Variants in PLEK observed in about 807,000 individuals in gnomAD.
PLEK encodes platelet 47 kDa protein.
PLEK carries 25 observed loss-of-function variants against 43.9 expected under a neutral mutation model. The observed-to-expected ratio is 0.57, with a 90% CI of 0.41 to 0.79. The LOEUF is 0.79. PLEK is among the 30% of genes least tolerant of loss of function. PLEK has a pLI of 0.00. For missense variants in PLEK, 396 were observed against 413.3 expected (o/e 0.96, Z 0.36); for synonymous variants, 152 against 144.4 (o/e 1.05, Z -0.38).
Position 68,368,699 on chromosome 2 carries a change from A to T in PLEK, c.42+3306A>T, listed in dbSNP as rs575388543. Among the ~76,000 whole-genome samples, 38 of 152,376 alleles carry T rather than the reference A, an allele frequency of 2.5e-4. 1 individual carries two copies. The South Asian group carries it at 7.9e-3, about 32-fold the overall frequency. On this transcript the variant is annotated intron_variant, in intron 1 of 8. Coordinates refer to ENST00000234313, the MANE Select transcript of PLEK (RefSeq NM_002664.3). ...CTGAATTAGATATGTTCATCATCAT[A>T]ACTGGAAAAAATGAGAGAAGAGCAA... is the stretch of plus-strand genomic sequence containing the variant.
intron 6 of PLEK, among the ~76,000 whole-genome samples, chr2:68,389,104 G>A (rs1474106721): frequency 6.6e-6 from 1 of 152,246 alleles, no homozygotes; most frequent in East Asian, 1.9e-4. Context: ...GCAAGGGCTG[G>A]AGAGTGCTGA....
chr2:68,388,024 C>A, intron 5 of PLEK: 1 of 191,034 alleles, frequency 5.2e-6, no homozygotes, highest in African/African-American at 2.3e-5. Context: ...ATTAGCCTGC[C>A]CTGCTTTCAA....
At chr2:68,366,863 GT>G (rs904585945) in intron 1 of PLEK, among the ~76,000 whole-genome samples, 5 of 152,032 alleles carry the variant, frequency 3.3e-5, no homozygotes, top group East Asian at 1.9e-4. Context: ...GTTTTTGTTT[GT>G]TTTTTTAAAC....
chr2:68,368,315 G>C (rs371412593), intron 1 of PLEK, among the ~76,000 whole-genome samples: 79 of 152,260 alleles, frequency 5.2e-4, no homozygotes, highest in African/African-American at 1.8e-3. Flanking sequence ...GCTGCTATAC[G>C]AACATGACTT....
intron 8 of PLEK, among the ~76,000 whole-genome samples, chr2:68,395,084 T>C (rs1673939763): frequency 6.6e-6 from 1 of 152,272 alleles, no homozygotes; most frequent in African/African-American, 2.4e-5. Context: ...TGCCTTTTAG[T>C]CTTCAGCAGA....
chr2:68,381,270 C>G lies in PLEK; in HGVS notation c.380+366C>G, dbSNP rs555070513. On this transcript the variant is annotated intron_variant, in intron 3 of 8. Coordinates refer to ENST00000234313, the MANE Select transcript of PLEK (RefSeq NM_002664.3). ...AGCAGGGGCTATGCATCCAAGCAAG[C>G]AAGGTTTCAAGTTCAAGTTCATTCA... Among the ~76,000 whole-genome samples the G allele has an allele frequency of 9.2e-5, 14 of 152,244 alleles. No homozygotes were observed. In the East Asian group the frequency reaches 2.7e-3, roughly 29 times the overall value.
intron 3 of PLEK, among the ~76,000 whole-genome samples, chr2:68,381,699 C>T (rs986100229): frequency 6.6e-6 from 1 of 152,184 alleles, no homozygotes; most frequent in African/African-American, 2.4e-5. Flanking sequence ...GACATCCCTT[C>T]TGCACTTCTG....
intron 4 of PLEK, among the ~76,000 whole-genome samples, chr2:68,385,660 C>G (rs899559743): frequency 6.6e-6 from 1 of 152,118 alleles, no homozygotes; most frequent in Non-Finnish European, 1.5e-5. Context: ...ACTGCTGCCC[C>G]CTCAGCTTGT....
At chr2:68,378,165 A>G (rs1673541861) in intron 1 of PLEK, among the ~76,000 whole-genome samples, 1 of 152,218 alleles carries the variant, frequency 6.6e-6, no homozygotes, top group South Asian at 2.1e-4. Context: ...TCTAAATCTA[A>G]ACTATGCTTT....
intron 1 of PLEK, among the ~76,000 whole-genome samples, chr2:68,374,397 T>C (rs1673464565): frequency 6.6e-6 from 1 of 152,206 alleles, no homozygotes; most frequent in African/African-American, 2.4e-5. Context: ...GTTTTTCCAG[T>C]GATTAAGTGA....
chr2:68,391,805 T>C (rs1236930743), intron 6 of PLEK, among the ~76,000 whole-genome samples: 3 of 152,240 alleles, frequency 2.0e-5, no homozygotes, highest in Non-Finnish European at 4.4e-5. Context: ...ATTGGCAAGA[T>C]AGAAACTCCG....
chr2:68,395,173 A>C (rs527783535), intron 8 of PLEK, among the ~76,000 whole-genome samples: 3 of 151,418 alleles, frequency 2.0e-5, no homozygotes, highest in African/African-American at 7.2e-5. Flanking sequence ...TTGTGTATGT[A>C]TATAAACATA....
At chr2:68,381,558 C>CT (rs1673617139) in intron 3 of PLEK, among the ~76,000 whole-genome samples, 1 of 152,132 alleles carries the variant, frequency 6.6e-6, no homozygotes, top group South Asian at 2.1e-4. Flanking sequence ...GGTAGTTTTG[C>CT]TTTTTTGTTG....
At chr2:68,376,550 A>G (rs955503737) in intron 1 of PLEK, among the ~76,000 whole-genome samples, 3 of 148,606 alleles carry the variant, frequency 2.0e-5, no homozygotes, top group Non-Finnish European at 3.0e-5. Context: ...TCTTATGTTA[A>G]TCATTTCATT....
chr2:68,386,429 A>G (rs1673743846), intron 4 of PLEK, 73 bp from the exon 5 acceptor site: 7 of 1,159,228 alleles, frequency 6.0e-6, no homozygotes, highest in Non-Finnish European at 7.5e-6. Flanking sequence ...AGCTGGAGTC[A>G]GTTCAGGGGT....
chr2:68,385,286 A>C (rs1222076514), intron 4 of PLEK, among the ~76,000 whole-genome samples: 1 of 152,214 alleles, frequency 6.6e-6, no homozygotes, highest in African/African-American at 2.4e-5. Flanking sequence ...TTTTTAATAC[A>C]AAGCTTCATT....
Position 68,380,345 on chromosome 2 carries a change from G to T in PLEK, c.60G>T (p.Thr20=), listed in dbSNP as rs749721826. The T allele has an allele frequency of 1.2e-6, 2 of 1,613,132 alleles. No individual in the cohort carries two copies. Among genetic ancestry groups the T allele is most frequent in the African/African-American group, 2.7e-5 (2 of 74,890 alleles). Reference sequence around the variant, plus strand: ...CATTACAGGGGAGCGTGTTCAATACGTGGAAACCCATGTGGGTTGTATTGT... The same window carrying T: ...CATTACAGGGGAGCGTGTTCAATACTTGGAAACCCATGTGGGTTGTATTGT... The part of the protein sequence containing the change: ...YLVKKGSVFN[T]WKPMWVVLLE... The change falls in exon 2 of 9, where the codon ACG becomes ACT. Residue 20 remains threonine, a synonymous_variant. Transcript: ENST00000234313.
chr2:68,385,556 C>T (rs1256735570), intron 4 of PLEK, among the ~76,000 whole-genome samples: 1 of 149,900 alleles, frequency 6.7e-6, no homozygotes, highest in Admixed American at 6.6e-5. Context: ...ACCCACCCTT[C>T]ACCTCCCTCC....
At position 68,397,212 on chromosome 2, in the gene PLEK, T is replaced by C. The variant is rs6895; in HGVS notation, c.*1396T>C. ...GAAAGAAAGGAGAGTAGAACATTTT[T>C]CCTCATTTTATCAAATCCTCTCTTG... is the stretch of plus-strand genomic sequence containing the variant. On this transcript the variant is annotated 3_prime_UTR_variant, in exon 9 of 9. Transcript: ENST00000234313. 167 of 152,306 alleles carry C rather than the reference T, an allele frequency of 1.1e-3. 1 individual carries two copies. Among genetic ancestry groups the C allele is most frequent in the African/African-American group, 3.9e-3 (163 of 41,558 alleles). The allele number at this position is 152,306 out of a possible 1,614,324, so 9.4% of individuals were successfully genotyped here. A position where few individuals can be genotyped will look rare whatever the true frequency, so the allele number is the denominator to read the frequency against.
Sources: gnomAD v4.1 joint callset for allele counts (sites outside exome capture counted in the v4.1 genomes callset) on GRCh38, gnomAD v4.1.1 for gene constraint, MANE v1.5 for transcripts, NCBI Gene and HGNC (gene_info 2026-07-23, HGNC 2026-07-21) for gene names.